Variants in CECR2 observed in about 807,000 individuals in gnomAD.
CECR2 encodes CECR2 histone acetyl-lysine reader.
CECR2 carries 30 observed loss-of-function variants against 154.5 expected under a neutral mutation model. The observed-to-expected ratio is 0.19, with a 90% CI of 0.15 to 0.26. CECR2 has a LOEUF of 0.26. Among genes scored for constraint, CECR2 ranks in the 10% least tolerant of loss-of-function variants. The pLI is 1.00. For missense variants in CECR2, 1,743 were observed against 1,829.3 expected (o/e 0.95, Z 0.86); for synonymous variants, 725 against 683.7 (o/e 1.06, Z -0.94).
chr22:17,509,537 C>G lies in CECR2; in HGVS notation c.871-2276C>G, dbSNP rs2055904427. Among the ~76,000 whole-genome samples, 3 of 151,556 alleles carry G rather than the reference C, an allele frequency of 2.0e-5. No individual in the cohort carries two copies. In the South Asian group the frequency reaches 6.3e-4, roughly 32 times the overall value. ...CTTGAATTCCTGGGCTCAAACGATT[C>G]TCCTCCCTCAGCCTCCTGAGTACCT... On this transcript the variant is annotated intron_variant, in intron 7 of 18. Coordinates refer to ENST00000262608, the MANE Select transcript of CECR2 (RefSeq NM_001290047.2).
chr22:17,482,115 C>CAAAA (rs869050391), intron 2 of CECR2, among the ~76,000 whole-genome samples: 5 of 76,310 alleles, frequency 6.6e-5, no homozygotes, highest in African/African-American at 1.6e-4. Flanking sequence ...ACTCTGTCTC[C>CAAAA]AAAAAAAAAA....
chr22:17,518,668 A>G lies in CECR2; in HGVS notation c.955-5450A>G, dbSNP rs551458869. ...CAGATTGAATTTGCTGAACCATTCC[A>G]GGTCTTATTGATGAATTACTGTTTG... On this transcript the variant is annotated intron_variant, in intron 8 of 18. Coordinates refer to ENST00000262608, the MANE Select transcript of CECR2 (RefSeq NM_001290047.2). 1,329 of 445,132 alleles carry G rather than the reference A, an allele frequency of 3.0e-3. 6 individuals carry two copies. The highest frequency in any genetic ancestry group is 9.7e-3 in the Middle Eastern group (14 of 1,450). 27.6% of individuals were successfully genotyped at this position (445,132 alleles called of 1,614,324 possible).
At chr22:17,472,565 G>T (rs150982752) in intron 1 of CECR2, among the ~76,000 whole-genome samples, 2 of 152,062 alleles carry the variant, frequency 1.3e-5, no homozygotes, top group Admixed American at 6.5e-5. Context: ...CAACAAACAC[G>T]ATTTTTTTTT....
intron 1 of CECR2, among the ~76,000 whole-genome samples, chr22:17,409,186 G>C (rs2054031635): frequency 6.6e-6 from 1 of 150,424 alleles, no homozygotes; most frequent in Non-Finnish European, 1.5e-5. Context: ...AGGCTGGAGT[G>C]CAGTGGCATG....
intron 8 of CECR2, among the ~76,000 whole-genome samples, chr22:17,521,881 T>A (rs2056165557): frequency 6.6e-6 from 1 of 152,238 alleles, no homozygotes; most frequent in South Asian, 2.1e-4. Flanking sequence ...TTTTATGGTT[T>A]TAGGTTTTAC....
At chr22:17,502,639 TA>T (rs2055759243) in intron 5 of CECR2, among the ~76,000 whole-genome samples, 1 of 151,886 alleles carries the variant, frequency 6.6e-6, no homozygotes, top group Non-Finnish European at 1.5e-5. Flanking sequence ...CCGTCTCTAC[TA>T]AAAAATACAA....
In CECR2 at chr22:17,548,700, G is replaced by A. The variant is rs533399275; in HGVS notation, c.3413G>A (p.Gly1138Asp). The change falls in exon 17 of 19, where the codon GGC becomes GAC. Residue 1138 changes from glycine to aspartate, a missense_variant. Physicochemically the swap from Gly to Asp is moderately conservative, Grantham distance 94 (BLOSUM62 -1). Coordinates refer to ENST00000262608, the MANE Select transcript of CECR2 (RefSeq NM_001290047.2). ...NSAAHYHISPGLQGVGPVMGG... is the reference protein window; with the variant it reads ...NSAAHYHISPDLQGVGPVMGG... ...GCTGCCCATTACCACATCAGTCCAG[G>A]CCTGCAGGGTGTGGGCCCTGTGATG... The A allele has an allele frequency of 5.0e-6, 8 of 1,613,590 alleles. No homozygotes were observed. Among genetic ancestry groups the A allele is most frequent in the Middle Eastern group, 3.3e-4 (2 of 6,062 alleles).
At chr22:17,474,976 G>C (rs1365155648) in intron 1 of CECR2, among the ~76,000 whole-genome samples, 3 of 152,104 alleles carry the variant, frequency 2.0e-5, no homozygotes, top group African/African-American at 7.2e-5. Flanking sequence ...AAAAATCTTA[G>C]GAGAAATTAG....
At chr22:17,522,456 G>A (rs557187336) in intron 8 of CECR2, among the ~76,000 whole-genome samples, 19 of 152,224 alleles carry the variant, frequency 1.2e-4, no homozygotes, top group African/African-American at 3.1e-4. Flanking sequence ...CGGGACAGTC[G>A]TCCTTGCCAA....
chr22:17,417,181 G>A (rs1435860112), intron 1 of CECR2, among the ~76,000 whole-genome samples: 2 of 152,126 alleles, frequency 1.3e-5, no homozygotes, highest in Non-Finnish European at 2.9e-5. Flanking sequence ...GTAGGCATTT[G>A]AATAGAAATG....
rs1214550759 is a variant in CECR2, at chr22:17,524,257, T to C, written c.1094T>C (p.Val365Ala). The change falls in exon 9 of 19, where the codon GTC becomes GCC. Residue 365 changes from valine (V) to alanine (A), a missense_variant. Transcript: ENST00000262608. ...AGGAAACGCGAGTTGGAGGAGAAGG[T>C]CAAGGCAGTGGAAGGTATGTGCAGT... Reference protein sequence around the residue: ...EERKRELEEKVKAVEDRAKRR... With the variant: ...EERKRELEEKAKAVEDRAKRR... The C allele has an allele frequency of 6.2e-7, 1 of 1,608,596 alleles. No individual in the cohort carries two copies. Among genetic ancestry groups the C allele is most frequent in the Non-Finnish European group, 8.5e-7 (1 of 1,177,906 alleles).
intron 1 of CECR2, among the ~76,000 whole-genome samples, chr22:17,370,327 G>T (rs1372667486): frequency 2.3e-4 from 35 of 149,784 alleles, no homozygotes; most frequent in African/African-American, 5.6e-4. Context: ...CGCGGGGGGG[G>T]GGCCCGCGCG....
At chr22:17,499,605 T>G in intron 4 of CECR2, 56 bp downstream of exon 4, 1 of 1,504,226 alleles carries the variant, frequency 6.6e-7, no homozygotes, top group Non-Finnish European at 8.9e-7. Flanking sequence ...TCATTAAGAT[T>G]AAATGCATCA....
chr22:17,398,295 C>T (rs186048700), intron 1 of CECR2, among the ~76,000 whole-genome samples: 3 of 152,108 alleles, frequency 2.0e-5, no homozygotes, highest in Admixed American at 2.0e-4. Context: ...ATGACTCGTC[C>T]GATCTGGCTC....
intron 14 of CECR2, among the ~76,000 whole-genome samples, chr22:17,541,460 A>G (rs986789999): frequency 2.0e-5 from 3 of 152,202 alleles, no homozygotes; most frequent in African/African-American, 7.2e-5. Context: ...AAGAAAAAAA[A>G]ATGTAATCTT....
rs768057622 is a variant in CECR2, at chr22:17,538,951, C to G, written c.1369-42C>G. Reference sequence around the variant, plus strand: ...TCTCTCTCTCTATGGAATGTTTGCTCTCAGCATATTTTAACTATAAAGAGT... The same window carrying G: ...TCTCTCTCTCTATGGAATGTTTGCTGTCAGCATATTTTAACTATAAAGAGT... On this transcript the variant is annotated intron_variant, in intron 12 of 18. Transcript: ENST00000262608. 12 of 1,597,698 alleles carry G rather than the reference C, an allele frequency of 7.5e-6. No homozygotes were observed. The African/African-American group carries it at 1.5e-4, about 20-fold the overall frequency.
intron 1 of CECR2, among the ~76,000 whole-genome samples, chr22:17,401,001 A>G (rs1333098104): frequency 1.3e-5 from 2 of 152,306 alleles, no homozygotes; most frequent in South Asian, 2.1e-4. Context: ...TCCTGGGCTC[A>G]GGAGATTCTC....
chr22:17,418,075 C>T (rs981860834), intron 1 of CECR2, among the ~76,000 whole-genome samples: 2 of 152,120 alleles, frequency 1.3e-5, no homozygotes, highest in South Asian at 2.1e-4. Context: ...GTTTTGACAG[C>T]TGTATACAAG....
intron 1 of CECR2, among the ~76,000 whole-genome samples, chr22:17,432,829 G>A (rs923253291): frequency 5.3e-5 from 8 of 152,120 alleles, no homozygotes; most frequent in Non-Finnish European, 7.3e-5. Flanking sequence ...GGGTCTCACT[G>A]TGATCCTCCC....
Sources: allele counts gnomAD v4.1 joint callset (sites outside exome capture counted in the v4.1 genomes callset), GRCh38; gene constraint gnomAD v4.1.1; transcripts MANE v1.5; gene names NCBI Gene and HGNC (gene_info 2026-07-23, HGNC 2026-07-21).